PCDH11Y: variants seen among roughly 807,000 people sequenced by gnomAD.
PCDH11Y encodes protocadherin-11 Y-linked.
For synonymous variants in PCDH11Y, 9 were observed against 83.6 expected (o/e 0.11, Z 4.87); for missense variants, 12 against 224.8 (o/e 0.05, Z 6.05).
intron 1 of PCDH11Y, among the ~76,000 whole-genome samples, chrY:5,080,298 T>C: frequency 6.0e-5 from 2 of 33,176 alleles, no homozygotes; most frequent in African/African-American, 2.4e-4. Flanking sequence ...AGGATCCCTC[T>C]AAACTGTTAC....
At chrY:5,559,032 A>G (rs2053426423) in intron 3 of PCDH11Y, among the ~76,000 whole-genome samples, 1 of 33,150 alleles carries the variant, frequency 3.0e-5, no homozygotes, top group Non-Finnish European at 7.4e-5. Context: ...CAGCAGTGTC[A>G]CAAATAACTA....
chrY:5,108,075 C>CA (rs2052796356), downstream of PCDH11Y, among the ~76,000 whole-genome samples: 1 of 22,215 alleles, frequency 4.5e-5, no homozygotes, highest in Non-Finnish European at 1.1e-4. Flanking sequence ...AAAAAAAAAA[C>CA]AAAAAAAAAC....
chrY:5,674,933 GT>G (rs2053552283), intron 4 of PCDH11Y, among the ~76,000 whole-genome samples: 1 of 33,493 alleles, frequency 3.0e-5, no homozygotes, highest in African/African-American at 1.2e-4. Context: ...TTTTAGAAAG[GT>G]TCTGTCCTTC....
At chrY:5,514,080 A>T in intron 3 of PCDH11Y, among the ~76,000 whole-genome samples, 1 of 28,358 alleles carries the variant, frequency 3.5e-5, no homozygotes, top group African/African-American at 1.4e-4. Flanking sequence ...AGTATGTTTT[A>T]TGAGGCTTTG....
At chrY:5,486,162 G>A in intron 2 of PCDH11Y, among the ~76,000 whole-genome samples, 1 of 33,143 alleles carries the variant, frequency 3.0e-5, no homozygotes, top group African/African-American at 1.2e-4. Flanking sequence ...GATTATATTT[G>A]TTTGAAGAAT....
intron 2 of PCDH11Y, among the ~76,000 whole-genome samples, chrY:5,359,378 C>T: frequency 3.1e-5 from 1 of 32,740 alleles, no homozygotes; most frequent in African/African-American, 1.2e-4. Context: ...GGGAATATAG[C>T]AGTGAGGACA....
At chrY:5,716,871 C>T (rs2053590373) in intron 4 of PCDH11Y, among the ~76,000 whole-genome samples, 1 of 33,133 alleles carries the variant, frequency 3.0e-5, no homozygotes, top group Non-Finnish European at 7.5e-5. Flanking sequence ...ATAAACCTGA[C>T]ATAAAAACAG....
At chrY:5,434,215 TATG>T (rs1250510551) in intron 2 of PCDH11Y, among the ~76,000 whole-genome samples, 6 of 32,649 alleles carry the variant, frequency 1.8e-4, no homozygotes, top group Non-Finnish European at 3.0e-4. Context: ...CAGAATCCTA[TATG>T]ATATGATATT....
At chrY:5,109,696 AT>A (rs2052801138), downstream of PCDH11Y, among the ~76,000 whole-genome samples, 2 of 33,405 alleles carry the variant, frequency 6.0e-5, no homozygotes, top group African/African-American at 2.3e-4. Flanking sequence ...CTGAGTAAAA[AT>A]ATCAAGTCTT....
chrY:5,641,234 T>C, intron 4 of PCDH11Y, among the ~76,000 whole-genome samples: 1 of 33,611 alleles, frequency 3.0e-5, no homozygotes, highest in African/African-American at 1.2e-4. Flanking sequence ...TAAAGCTGTT[T>C]TGCTTTTTTG....
intron 3 of PCDH11Y, among the ~76,000 whole-genome samples, chrY:5,043,279 C>T (rs1602844928): frequency 3.0e-4 from 10 of 33,048 alleles, no homozygotes; most frequent in Admixed American, 5.5e-4. Context: ...TTTTGAGATA[C>T]GTCCCATTAA....
At chrY:5,448,488 CTG>C (rs2053289695) in intron 2 of PCDH11Y, among the ~76,000 whole-genome samples, 1 of 33,313 alleles carries the variant, frequency 3.0e-5, no homozygotes, top group Non-Finnish European at 7.4e-5. Context: ...GTAGTAAACA[CTG>C]TACTACTGTA....
At chrY:5,455,831 G>T in intron 2 of PCDH11Y, among the ~76,000 whole-genome samples, 1 of 32,907 alleles carries the variant, frequency 3.0e-5, no homozygotes, top group South Asian at 6.8e-4. Flanking sequence ...TTCGTGAGTC[G>T]TCCAACTCCA....
intron 3 of PCDH11Y, among the ~76,000 whole-genome samples, chrY:5,566,985 A>C: frequency 3.1e-5 from 1 of 32,289 alleles, no homozygotes; most frequent in Non-Finnish European, 7.6e-5. Flanking sequence ...AAATTTTGAC[A>C]CAAGAAATGC....
chrY:5,421,087 CAA>C (rs2053257833), intron 2 of PCDH11Y, among the ~76,000 whole-genome samples: 1 of 29,112 alleles, frequency 3.4e-5, no homozygotes, highest in South Asian at 8.1e-4. Flanking sequence ...CACACACACA[CAA>C]ATTAGCCGAG....
At chrY:5,333,329 T>C (rs2124667793) in intron 2 of PCDH11Y, among the ~76,000 whole-genome samples, 1 of 33,864 alleles carries the variant, frequency 3.0e-5, no homozygotes, top group East Asian at 7.8e-4. Flanking sequence ...TAGATAACTA[T>C]GGTCAGGATT....
intron 3 of PCDH11Y, among the ~76,000 whole-genome samples, chrY:5,555,299 C>T (rs2053422600): frequency 3.0e-5 from 1 of 32,899 alleles, no homozygotes; most frequent in Non-Finnish European, 7.4e-5. Flanking sequence ...AACTAACTTG[C>T]TTTTGATTTT....
intron 4 of PCDH11Y, among the ~76,000 whole-genome samples, chrY:5,692,727 A>C (rs2053569103): frequency 3.0e-5 from 1 of 33,083 alleles, no homozygotes; most frequent in Non-Finnish European, 7.5e-5. Context: ...AGAACTCTAA[A>C]GTTTTTACTT....
intron 2 of PCDH11Y, among the ~76,000 whole-genome samples, chrY:5,116,633 A>C: frequency 3.0e-5 from 1 of 32,978 alleles, no homozygotes. Context: ...TCATAAACGC[A>C]CCCCTCTTAT....
Sources: gnomAD v4.1 joint callset for allele counts (sites outside exome capture counted in the v4.1 genomes callset) on GRCh38, gnomAD v4.1.1 for gene constraint, MANE v1.5 for transcripts, NCBI Gene and HGNC (gene_info 2026-07-23, HGNC 2026-07-21) for gene names.